The following APEX2 variants were observed in gnomAD, a reference collection of about 807,000 sequenced individuals.
The protein encoded by APEX2 is DNA-(apurinic or apyrimidinic site) endonuclease 2.
Under a neutral mutation model 16.7 loss-of-function variants are expected in APEX2, and 4 were observed. The observed-to-expected ratio is 0.24, with a 90% CI of 0.12 to 0.55. The LOEUF is 0.55. APEX2 is among the 20% of genes least tolerant of loss of function. The pLI, the probability that APEX2 is intolerant of heterozygous loss-of-function variation, is 0.94. For synonymous variants in APEX2, 181 were observed against 166.9 expected, an observed-to-expected ratio of 1.08 and a Z score of -0.65; for missense variants, 357 against 433.6, an observed-to-expected ratio of 0.82 and a Z score of 1.57.
intron 4 of APEX2, 32 bp downstream of exon 4, chrX:55,003,140 G>A: frequency 8.3e-7 from 1 of 1,205,241 alleles, no homozygotes; most frequent in East Asian, 3.0e-5. Context: ...AGGCTTCCTT[G>A]AGTTGGTCCT....
intron 5 of APEX2, among the ~76,000 whole-genome samples, chrX:55,005,941 C>CATTT (rs1305213785): frequency 1.8e-5 from 2 of 110,084 alleles, no homozygotes; most frequent in Non-Finnish European, 3.8e-5. Flanking sequence ...ATTCCATGAA[C>CATTT]ATTTCTTGCA....
Position 55,003,063 on chromosome X carries a change from A to G in APEX2, c.524A>G (p.Tyr175Cys), listed in dbSNP as rs760626997. ...PERLVFKMRF[Y>C]RLLQIRAEAL... ...CGGCTAGTCTTTAAGATGCGCTTCT[A>G]TCGTTTGCTGCAAATCCGAGCAGAA... Residue 175 changes from tyrosine to cysteine, a missense_variant, in exon 4 of 6, where the codon TAT becomes TGT. Physicochemically the swap from Tyr to Cys is radical, Grantham distance 194. Coordinates refer to ENST00000374987, the MANE Select transcript of APEX2 (RefSeq NM_014481.4). The G allele has an allele frequency of 7.4e-6, 9 of 1,212,068 alleles. No individual in the cohort carries two copies. The highest frequency in any genetic ancestry group is 1.8e-5 in the South Asian group (1 of 57,004).
intron 4 of APEX2, among the ~76,000 whole-genome samples, 171 bp downstream of exon 4, chrX:55,003,279 T>G (rs1935467307): frequency 8.9e-6 from 1 of 112,747 alleles, no homozygotes; most frequent in Non-Finnish European, 1.9e-5. Context: ...AAACATGGGT[T>G]TTGTACTCTG....
In APEX2 at chrX:55,007,029, T is replaced by C. The variant is rs748352347; in HGVS notation, c.1151T>C (p.Val384Ala). The C allele has an allele frequency of 1.7e-5, 20 of 1,211,598 alleles. No individual in the cohort carries two copies. The East Asian group carries it at 4.7e-4, about 29-fold the overall frequency. ...TCAACCAGGCCTCAGCCCAGTCAGG[T>C]TGGCTCTAGCAGAGGCCAGAAAAAC... is the stretch of plus-strand genomic sequence containing the variant. ...VRSTRPQPSQ[V>A]GSSRGQKNLK... The change falls in exon 6 of 6, where the codon GTT becomes GCT. Residue 384 changes from valine (V) to alanine (A), a missense_variant. Val to Ala is a moderately conservative substitution (Grantham distance 64). Transcript: ENST00000374987.
Position 55,006,945 on chromosome X carries a change from C to A in APEX2, c.1067C>A (p.Thr356Lys). Residue 356 changes from threonine (T) to lysine (K), a missense_variant, in exon 6 of 6, where the codon ACG (threonine) becomes AAG (lysine). Coordinates refer to ENST00000374987, the MANE Select transcript of APEX2 (RefSeq NM_014481.4). ...LEQSPVLEQS[T>K]LQHNNQTRVQ... ...CAAAGTCCTGTGTTGGAGCAGTCGA[C>A]GCTGCAGCACAACAATCAAACCCGG... 8.3e-7 allele frequency: 1 copy of A among 1,211,860 alleles called. No individual in the cohort carries two copies. Among genetic ancestry groups the A allele is most frequent in the Non-Finnish European group, 1.1e-6 (1 of 895,546 alleles).
intron 1 of APEX2, among the ~76,000 whole-genome samples, chrX:55,000,943 C>T (rs1054254291): frequency 9.2e-6 from 1 of 109,089 alleles, no homozygotes; most frequent in African/African-American, 3.4e-5. Flanking sequence ...CCTCTAATTC[C>T]CACCCCATCT....
At chrX:55,001,023 T>G (rs1569547609) in intron 1 of APEX2, among the ~76,000 whole-genome samples, 1 of 109,306 alleles carries the variant, frequency 9.1e-6, no homozygotes, top group Non-Finnish European at 1.9e-5. Context: ...CCCTTATCTA[T>G]TCCCATCTCT....
intron 1 of APEX2, 110 bp from the exon 2 acceptor site, chrX:55,001,436 C>G: frequency 5.9e-6 from 3 of 507,227 alleles, no homozygotes; most frequent in Non-Finnish European, 9.2e-6. Context: ...TCACCCCCAA[C>G]TCTGGCTCTG....
rs768433739 is a variant in APEX2, at chrX:55,007,216, A to T, written c.1338A>T (p.Lys446Asn). The T allele has an allele frequency of 1.6e-6, 2 of 1,212,181 alleles. No homozygotes were observed. The highest frequency in any genetic ancestry group is 2.2e-5 in the Admixed American group (1 of 46,128). Residue 446 changes from lysine to asparagine, a missense_variant, in exon 6 of 6, where the codon AAA becomes AAT. Physicochemically the swap from Lys to Asn is moderately conservative, Grantham distance 94. Transcript: ENST00000374987. ...GGCAGGCCAAGACTTCAGAAGCCAA[A>T]GATGAGAAGGAGTTACGGACCTCAT... ...VKGQAKTSEA[K>N]DEKELRTSFW...
At position 55,002,978 on chromosome X, in the gene APEX2, G is replaced by A; in HGVS notation, c.439G>A (p.Glu147Lys). 1.7e-6 allele frequency: 2 copies of A among 1,210,481 alleles called. No individual in the cohort carries two copies. The highest frequency in any genetic ancestry group is 1.1e-6 in the Non-Finnish European group (1 of 894,732). ...QHKIRTWEGK[E>K]KTLTLINVYC... ...TTTCTCCAGCACATGGGAAGGTAAG[G>A]AGAAGACCTTGACCCTAATCAACGT... Residue 147 changes from glutamate to lysine, a missense_variant, in exon 4 of 6, where the codon GAG becomes AAG. Physicochemically the swap from Glu to Lys is moderately conservative, Grantham distance 56 (BLOSUM62 1). Coordinates refer to ENST00000374987, the MANE Select transcript of APEX2 (RefSeq NM_014481.4).
chrX:55,002,483 G>A, intron 3 of APEX2, 52 bp downstream of exon 3: 5 of 1,112,016 alleles, frequency 4.5e-6, no homozygotes, highest in Non-Finnish European at 6.0e-6. Flanking sequence ...TACTCTTTGA[G>A]TGTGAAGATT....
intron 5 of APEX2, among the ~76,000 whole-genome samples, chrX:55,006,080 T>C (rs1188768788): frequency 9.4e-6 from 1 of 106,184 alleles, no homozygotes; most frequent in Non-Finnish European, 1.9e-5. Flanking sequence ...GGAATGGTCA[T>C]TGAGGGCTTT....
chrX:55,003,556 T>G (rs991333517), intron 4 of APEX2, among the ~76,000 whole-genome samples: 1 of 112,013 alleles, frequency 8.9e-6, no homozygotes, highest in African/African-American at 3.2e-5. Flanking sequence ...CATTGGCTCC[T>G]GATTAGTGAG....
chrX:55,000,515 C>G lies in APEX2; in HGVS notation c.93C>G (p.Ala31=), dbSNP rs143050863. The G allele has an allele frequency of 8.1e-5, 98 of 1,208,360 alleles. No individual in the cohort carries two copies. In the African/African-American group the frequency reaches 1.5e-3, roughly 18 times the overall value. ...AACCCAGCAACTGTGCCGCCGTGGC[C>G]GTGGGGCGCATTTTGGACGAGCTGG... ...NQEPSNCAAV[A]VGRILDELDA... The change falls in exon 1 of 6, where the codon GCC becomes GCG. Residue 31 remains alanine, a synonymous_variant. Transcript: ENST00000374987.
intron 5 of APEX2, 109 bp from the exon 6 acceptor site, chrX:55,006,409 C>A: frequency 4.7e-6 from 3 of 643,118 alleles, no homozygotes; most frequent in Non-Finnish European, 6.5e-6. Context: ...CCTCTTGGGA[C>A]AACCAAATTT....
Position 55,008,953 on chromosome X carries a change from A to G in APEX2, c.*1518A>G. 2.4e-6 allele frequency: 1 copy of G among 417,491 alleles called. No homozygotes were observed. The highest frequency in any genetic ancestry group is 4.2e-6 in the Non-Finnish European group (1 of 238,047). The allele number at this position is 417,491 out of a possible 1,213,427, so 34.4% of individuals were successfully genotyped here. ...TCTGTTTCCCTGTTGGTAAAATGGA[A>G]TGGTGACCAACAAGTGACCTATGGT... On this transcript the variant is annotated 3_prime_UTR_variant, in exon 6 of 6. Coordinates refer to ENST00000374987, the MANE Select transcript of APEX2 (RefSeq NM_014481.4).
At chrX:55,003,720 G>C in intron 4 of APEX2, 79 bp from the exon 5 acceptor site, 1 of 986,236 alleles carries the variant, frequency 1.0e-6, no homozygotes, top group African/African-American at 1.9e-5. Context: ...GGGCCTGTCT[G>C]AGCTCTTGGG....
At chrX:55,002,936 C>T (rs774450028) in intron 3 of APEX2, 26 bp from the exon 4 acceptor site, 3 of 1,200,099 alleles carry the variant, frequency 2.5e-6, no homozygotes, top group East Asian at 6.0e-5. Flanking sequence ...AAACTGACCC[C>T]TTTTGGGGGT....
At chrX:55,001,357 A>G (rs141417060) in intron 1 of APEX2, among the ~76,000 whole-genome samples, 189 bp from the exon 2 acceptor site, 1,613 of 111,030 alleles carry the variant, frequency 0.015, 28 homozygotes, top group African/African-American at 0.051. Context: ...TCTAATTCTG[A>G]TATCAATTTC....
Sources: allele counts gnomAD v4.1 joint callset (sites outside exome capture counted in the v4.1 genomes callset), GRCh38; gene constraint gnomAD v4.1.1; transcripts MANE v1.5; gene names NCBI Gene and HGNC (gene_info 2026-07-23, HGNC 2026-07-21).